DYNC2H1: variants seen among roughly 807,000 people sequenced by gnomAD.
DYNC2H1 encodes cytoplasmic dynein 2 heavy chain 1.
In DYNC2H1, 410 loss-of-function variants were observed where a neutral mutation model predicts 570.0. The observed-to-expected ratio is 0.72, with a 90% CI of 0.66 to 0.78. The LOEUF (loss-of-function observed/expected upper bound fraction) is 0.78, where lower values mean the gene tolerates loss of function less well. Ranked by LOEUF, DYNC2H1 falls within the 30% of genes least tolerant of loss-of-function variation. DYNC2H1 has a pLI of 0.00. For missense variants in DYNC2H1, 4,865 were observed against 5,046.4 expected (o/e 0.96, Z 1.09); for synonymous variants, 1,688 against 1,677.6 (o/e 1.01, Z -0.15).
chr11:103,167,823 C>T (rs1347559640), intron 31 of DYNC2H1, among the ~76,000 whole-genome samples: 1 of 152,106 alleles, frequency 6.6e-6, no homozygotes. Context: ...TTCTAGCCAG[C>T]TTTCTGTGGG....
Position 103,468,656 on chromosome 11 carries a change from C to G in DYNC2H1, c.12716C>G (p.Ser4239Cys). The G allele has an allele frequency of 4.3e-6, 7 of 1,613,764 alleles. No homozygotes were observed. Among genetic ancestry groups the G allele is most frequent in the Non-Finnish European group, 5.9e-6 (7 of 1,179,724 alleles). The change falls in exon 88 of 89, where the codon TCT (serine) becomes TGT (cysteine). Residue 4239 changes from serine to cysteine, a missense_variant. This residue lies in a region of DYNC2H1 where 2,401 missense variants were observed against 2,454.6 expected (regional missense o/e 0.98). Transcript: ENST00000375735. ...CAACTTTCTGAAAATCAGCTTGATT[C>G]TCCCAGCGTGTCATCAGTGCTCCCT... The part of the protein sequence containing the change: ...GNQLSENQLD[S>C]PSVSSVLPCF...
intron 84 of DYNC2H1, among the ~76,000 whole-genome samples, chr11:103,414,279 A>T (rs1943198157): frequency 6.6e-6 from 1 of 152,206 alleles, no homozygotes; most frequent in Admixed American, 6.5e-5. Context: ...TAATAATTTT[A>T]TGCCTACAAA....
intron 78 of DYNC2H1, among the ~76,000 whole-genome samples, chr11:103,309,897 G>A (rs996615065): frequency 2.6e-5 from 4 of 152,054 alleles, no homozygotes; most frequent in African/African-American, 7.2e-5. Flanking sequence ...ATCTTGTTAA[G>A]AGGTAATTTG....
chr11:103,479,423 T>G lies in DYNC2H1; in HGVS notation c.*170T>G, dbSNP rs1945674768. ...TGTGTAAAAGCAGCACTGTGCATCT[T>G]TTAAAGTAATAAATTAATGGAGTTA... On this transcript the variant is annotated 3_prime_UTR_variant, in exon 89 of 89. Coordinates refer to ENST00000375735, the MANE Select transcript of DYNC2H1 (RefSeq NM_001377.3). The G allele has an allele frequency of 3.5e-6, 2 of 565,306 alleles. No homozygotes were observed. The highest frequency in any genetic ancestry group is 6.5e-5 in the East Asian group (2 of 30,952). The allele number at this position is 565,306 out of a possible 1,614,324, so 35.0% of individuals were successfully genotyped here.
intron 83 of DYNC2H1, among the ~76,000 whole-genome samples, chr11:103,358,919 C>G (rs372577724): frequency 5.3e-5 from 8 of 152,112 alleles, no homozygotes; most frequent in Non-Finnish European, 1.2e-4. Flanking sequence ...TGACTAAGTT[C>G]ACCTCTTACT....
rs1482037679 is a variant in DYNC2H1 at position 103,305,609 on chromosome 11, GAAAC to G, written c.11382+895_11382+898del. Among the ~76,000 whole-genome samples, 1 of 152,106 alleles carries G rather than the reference GAAAC, an allele frequency of 6.6e-6. No individual in the cohort carries two copies. The highest frequency in any genetic ancestry group is 1.5e-5 in the Non-Finnish European group (1 of 68,022). On this transcript the variant is annotated intron_variant, in intron 77 of 88. Coordinates refer to ENST00000375735, the MANE Select transcript of DYNC2H1 (RefSeq NM_001377.3). This position sits in a 1 kb window ranked among gnomAD's most constrained non-coding sequence, Gnocchi z 4.3. ...TTTTCTGGCAGTGGTATATAGAATAGAAACAAACAGAATAGAGTAAATTGAGGGA... is the reference window on the plus strand; with the variant it reads ...TTTTCTGGCAGTGGTATATAGAATAGAAACAGAATAGAGTAAATTGAGGGA...
intron 70 of DYNC2H1, among the ~76,000 whole-genome samples, chr11:103,265,214 G>T (rs1865461446): frequency 6.6e-6 from 1 of 152,034 alleles, no homozygotes; most frequent in Admixed American, 6.5e-5. Context: ...CCTGTTGGGG[G>T]GTGCGGTAAA....
chr11:103,390,714 A>T (rs1313842410), intron 83 of DYNC2H1, among the ~76,000 whole-genome samples: 2 of 152,096 alleles, frequency 1.3e-5, no homozygotes, highest in Non-Finnish European at 2.9e-5. Context: ...ATCTCTCAGC[A>T]CTTGCTTGTC....
At chr11:103,138,249 A>C (rs1859684752) in intron 17 of DYNC2H1, among the ~76,000 whole-genome samples, 1 of 152,016 alleles carries the variant, frequency 6.6e-6, no homozygotes, top group African/African-American at 2.4e-5. Flanking sequence ...CCCTGGCCAG[A>C]ACTTCCAACA....
At chr11:103,237,373 A>T (rs968798630) in intron 63 of DYNC2H1, among the ~76,000 whole-genome samples, 20 of 151,950 alleles carry the variant, frequency 1.3e-4, no homozygotes, top group Non-Finnish European at 2.7e-4. Flanking sequence ...GTATTATAAG[A>T]TTTATATTTT....
intron 79 of DYNC2H1, among the ~76,000 whole-genome samples, chr11:103,313,476 T>C (rs912826769): frequency 4.6e-5 from 7 of 152,278 alleles, no homozygotes; most frequent in African/African-American, 9.6e-5. Flanking sequence ...TTGGTCCACT[T>C]CTGTTGAGGA....
intron 40 of DYNC2H1, among the ~76,000 whole-genome samples, chr11:103,183,470 C>A (rs887704718): frequency 1.3e-5 from 2 of 151,792 alleles, no homozygotes; most frequent in Non-Finnish European, 2.9e-5. Flanking sequence ...GTTTTGAGGT[C>A]ACACCGCTGT....
At chr11:103,260,915 A>G (rs57438546) in intron 70 of DYNC2H1, among the ~76,000 whole-genome samples, 22,608 of 149,114 alleles carry the variant, frequency 0.15, 1,912 homozygotes, top group African/African-American at 0.23. Context: ...CTCCATGCCC[A>G]GCCAGAATTT....
intron 29 of DYNC2H1, among the ~76,000 whole-genome samples, chr11:103,161,638 A>G (rs919366667): frequency 1.1e-4 from 17 of 152,172 alleles, no homozygotes; most frequent in Admixed American, 2.6e-4. Context: ...TAAAAATTAA[A>G]TGAGATAATT....
intron 83 of DYNC2H1, among the ~76,000 whole-genome samples, chr11:103,392,904 A>G (rs1942228669): frequency 7.2e-6 from 1 of 139,088 alleles, no homozygotes; most frequent in African/African-American, 2.7e-5. Context: ...TTTTTTTGAA[A>G]TGGAGTTTCG....
chr11:103,354,739 G>A lies in DYNC2H1; in HGVS notation c.12040-3504G>A, dbSNP rs1319403861. ...GACAGTCTTTTTGTCAACATGTTTT[G>A]CCTTCCATTGTTGCAGTTGGGAAGT... On this transcript the variant is annotated intron_variant, in intron 82 of 88. Transcript: ENST00000375735. Among the ~76,000 whole-genome samples, 6 of 150,784 alleles carry A rather than the reference G, an allele frequency of 4.0e-5. No individual in the cohort carries two copies. In the South Asian group the frequency reaches 8.3e-4, roughly 21 times the overall value.
chr11:103,362,117 A>G (rs912980278), intron 83 of DYNC2H1, among the ~76,000 whole-genome samples: 10 of 152,234 alleles, frequency 6.6e-5, no homozygotes, highest in Admixed American at 1.3e-4. Context: ...TACAGGGCCC[A>G]TTGTGTTTTT....
chr11:103,109,611 A>T lies in DYNC2H1; in HGVS notation c.37A>T (p.Ile13Phe), dbSNP rs776162975. 6.8e-6 allele frequency: 11 copies of T among 1,613,534 alleles called. No homozygotes were observed. The highest frequency in any genetic ancestry group is 8.5e-6 in the Non-Finnish European group (10 of 1,179,820). The change falls in exon 1 of 89, where the codon ATC becomes TTC. Residue 13 changes from isoleucine (I) to phenylalanine (F), a missense_variant. Ile to Phe is a conservative substitution (Grantham distance 21). Around this residue, in one of 5 missense-constraint regions of DYNC2H1, gnomAD observed 1,936 missense variants for 1,962.1 expected, o/e 0.99. Transcript: ENST00000375735. ...NGTADVRKLFIFTTTQNYFGL... is the reference protein window; with the variant it reads ...NGTADVRKLFFFTTTQNYFGL... ...GACTGCGGACGTTCGGAAGCTCTTC[A>T]TCTTCACTACTACCCAGAATTACTT...
intron 6 of DYNC2H1, among the ~76,000 whole-genome samples, chr11:103,120,072 A>G (rs1858618853): frequency 6.6e-6 from 1 of 152,212 alleles, no homozygotes; most frequent in African/African-American, 2.4e-5. Context: ...AATGCAGAAT[A>G]ATGAAAATCA....
Sources: allele counts gnomAD v4.1 joint callset (sites outside exome capture counted in the v4.1 genomes callset), GRCh38; gene constraint gnomAD v4.1.1; regional missense constraint gnomAD v4.1.1; non-coding constraint Gnocchi (gnomAD v3.1); transcripts MANE v1.5; gene names NCBI Gene and HGNC (gene_info 2026-07-23, HGNC 2026-07-21).